The following RPS6KC1 variants were observed in gnomAD, a reference collection of about 807,000 sequenced individuals.
RPS6KC1 encodes the protein inactive ribosomal protein S6 kinase delta-1.
A neutral mutation model predicts 103.8 loss-of-function variants in RPS6KC1; 54 were observed. The ratio of observed to expected loss-of-function variants is 0.52; its 90% CI spans 0.42 to 0.65. The LOEUF (loss-of-function observed/expected upper bound fraction) is 0.65, where lower values mean the gene tolerates loss of function less well. RPS6KC1 is among the 30% of genes least tolerant of loss of function. The probability of loss-of-function intolerance (pLI) is 0.00; values close to 1 mark genes in which losing one functional copy is unlikely to be tolerated. For missense variants in RPS6KC1, 1,151 were observed against 1,253.8 expected (o/e 0.92, Z 1.24); for synonymous variants, 439 against 438.7 (o/e 1.00, Z -0.01).
At chr1:213,376,084 C>CTGTGTGTGTGTGTGTGTG in the RPS6KC1 span, among the ~76,000 whole-genome samples, 1 of 140,264 alleles carries the variant, frequency 7.1e-6, no homozygotes. Context: ...CTCGTGACAA[C>CTGTGTGTGTGTGTGTGTG]TGTGTGTGTG....
downstream of RPS6KC1, among the ~76,000 whole-genome samples, chr1:213,278,278 A>G (rs1370709296): frequency 1.3e-5 from 2 of 152,046 alleles, no homozygotes. Context: ...GATTAACCCC[A>G]CCAAGAGACA....
At chr1:213,741,013 TAC>T in the RPS6KC1 span, among the ~76,000 whole-genome samples, 2 of 148,760 alleles carry the variant, frequency 1.3e-5, no homozygotes, top group Non-Finnish European at 3.0e-5. Flanking sequence ...CAGATATATA[TAC>T]ACACACATAT....
the RPS6KC1 span, among the ~76,000 whole-genome samples, chr1:213,728,937 G>GTTTTGTTTTTTTTT: frequency 1.1e-5 from 1 of 93,416 alleles, no homozygotes; most frequent in Non-Finnish European, 1.9e-5. Context: ...GAACATGAGG[G>GTTTTGTTTTTTTTT]TTTTTTTTTT....
the RPS6KC1 span, among the ~76,000 whole-genome samples, chr1:213,336,706 G>A: frequency 6.6e-6 from 1 of 152,120 alleles, no homozygotes; most frequent in Non-Finnish European, 1.5e-5. Context: ...TGAAGCTCAC[G>A]GAGTTGAATG....
At chr1:213,856,159 T>C in the RPS6KC1 span, among the ~76,000 whole-genome samples, 7 of 152,078 alleles carry the variant, frequency 4.6e-5, no homozygotes, top group Non-Finnish European at 8.8e-5. Flanking sequence ...TCACTATAAC[T>C]CTGTGGACCC....
chr1:213,458,755 A>G, the RPS6KC1 span, among the ~76,000 whole-genome samples: 2 of 152,258 alleles, frequency 1.3e-5, no homozygotes, highest in Non-Finnish European at 2.9e-5. Context: ...TTTGTCATAA[A>G]TAGCTCTTAT....
the RPS6KC1 span, among the ~76,000 whole-genome samples, chr1:213,629,280 A>G: frequency 7.2e-5 from 11 of 151,942 alleles, no homozygotes; most frequent in Non-Finnish European, 1.5e-4. Context: ...TATTGGGTGC[A>G]TATATATTTA....
At chr1:213,354,383 T>C in the RPS6KC1 span, among the ~76,000 whole-genome samples, 2,930 of 152,266 alleles carry the variant, frequency 0.019, 55 homozygotes, top group Non-Finnish European at 0.027. Context: ...TATGAACTCA[T>C]TGAAACTTCA....
the RPS6KC1 span, among the ~76,000 whole-genome samples, chr1:213,456,917 G>C: frequency 6.6e-6 from 1 of 152,102 alleles, no homozygotes; most frequent in South Asian, 2.1e-4. Context: ...TTTAGCCCAA[G>C]GAAGCTTGTC....
chr1:213,407,767 A>G, the RPS6KC1 span, among the ~76,000 whole-genome samples: 3 of 152,194 alleles, frequency 2.0e-5, no homozygotes, highest in African/African-American at 7.2e-5. Context: ...TGGCCCTTCT[A>G]GATGAGTAAA....
intron 1 of RPS6KC1, among the ~76,000 whole-genome samples, chr1:213,054,722 A>C (rs1173878679): frequency 6.6e-6 from 1 of 152,222 alleles, no homozygotes; most frequent in Non-Finnish European, 1.5e-5. Context: ...AGTTCTCTGA[A>C]ATCTGGCAAG....
chr1:213,506,356 G>A, the RPS6KC1 span, among the ~76,000 whole-genome samples: 18 of 152,220 alleles, frequency 1.2e-4, no homozygotes, highest in African/African-American at 3.9e-4. Context: ...TACCAGATGA[G>A]ATTAGTTATT....
At chr1:213,787,651 G>A in the RPS6KC1 span, among the ~76,000 whole-genome samples, 1 of 150,716 alleles carries the variant, frequency 6.6e-6, no homozygotes, top group African/African-American at 2.5e-5. Context: ...AGGTGGATAA[G>A]GAAGATGGGA....
chr1:213,445,349 G>A, the RPS6KC1 span, among the ~76,000 whole-genome samples: 2 of 152,192 alleles, frequency 1.3e-5, no homozygotes, highest in African/African-American at 4.8e-5. Context: ...TATATACCTA[G>A]GAGTGGAGTT....
chr1:213,545,684 T>G, the RPS6KC1 span, among the ~76,000 whole-genome samples: 1 of 152,226 alleles, frequency 6.6e-6, no homozygotes, highest in Non-Finnish European at 1.5e-5. Flanking sequence ...GGGTTAGGAC[T>G]TCAACACACT....
the RPS6KC1 span, among the ~76,000 whole-genome samples, chr1:213,642,370 TC>T: frequency 2.0e-5 from 3 of 152,182 alleles, no homozygotes; most frequent in Non-Finnish European, 4.4e-5. Flanking sequence ...GGACCAGTTT[TC>T]TTACTTTGTT....
the RPS6KC1 span, among the ~76,000 whole-genome samples, chr1:213,700,461 A>G: frequency 6.6e-6 from 1 of 151,634 alleles, no homozygotes; most frequent in Non-Finnish European, 1.5e-5. Context: ...TCTGTATTTG[A>G]AGTCAGGTAA....
At position 213,143,783 on chromosome 1, in the gene RPS6KC1, C is replaced by T. The variant is rs368589813; in HGVS notation, c.835+13894C>T. Among the ~76,000 whole-genome samples, 142 of 149,032 alleles carry T rather than the reference C, an allele frequency of 9.5e-4. 1 individual carries two copies. The East Asian group carries it at 0.016, about 17-fold the overall frequency. On this transcript the variant is annotated intron_variant, in intron 6 of 14. Coordinates refer to ENST00000366960, the MANE Select transcript of RPS6KC1 (RefSeq NM_012424.6). ...ATTGTTTTGTAGGTTAGAAATCTGA[C>T]GTGAACCACACTGGGCAAAAATCAA...
the RPS6KC1 span, among the ~76,000 whole-genome samples, chr1:213,848,756 A>G: frequency 3.0e-3 from 464 of 152,242 alleles, 1 homozygote; most frequent in Admixed American, 6.1e-3. Flanking sequence ...CAGTAAACTA[A>G]TATTTTCTTT....
Sources: allele counts gnomAD v4.1 joint callset (sites outside exome capture counted in the v4.1 genomes callset), GRCh38; gene constraint gnomAD v4.1.1; transcripts MANE v1.5; gene names NCBI Gene and HGNC (gene_info 2026-07-23, HGNC 2026-07-21).